SRPX2: variants seen among roughly 807,000 people sequenced by gnomAD.
SRPX2 encodes sushi repeat-containing protein SRPX2.
Under a neutral mutation model 45.3 loss-of-function variants are expected in SRPX2, and 26 were observed. The ratio of observed to expected loss-of-function variants is 0.57; its 90% confidence interval spans 0.42 to 0.80. SRPX2 has a LOEUF of 0.80. SRPX2 is among the 30% of genes least tolerant of loss of function. The pLI, the probability that SRPX2 is intolerant of heterozygous loss-of-function variation, is 0.00. For synonymous variants in SRPX2, 125 were observed against 143.7 expected (o/e 0.87, Z 0.93); for missense variants, 355 against 399.8 (o/e 0.89, Z 0.95).
At position 100,666,946 on chromosome X, in the gene SRPX2, G is replaced by T. The variant is rs768749659; in HGVS notation, c.961+13G>T. On this transcript the variant is annotated intron_variant, in intron 8 of 10. Coordinates refer to ENST00000373004, the MANE Select transcript of SRPX2 (RefSeq NM_014467.3). The stretch of plus-strand genomic sequence containing the variant: ...CCAATCTGTGCTCGTGAGTGAAACC[G>T]GGGAATGGGGCAAGTGGATGTGGTG... The T allele has an allele frequency of 1.0e-5, 12 of 1,202,012 alleles. No homozygotes were observed. The highest frequency in any genetic ancestry group is 1.3e-5 in the Non-Finnish European group (12 of 891,170).
Position 100,675,454 on chromosome X carries a change from T to C in SRPX2, c.*4467T>C, listed in dbSNP as rs2083260336. On this transcript the variant is annotated 3_prime_UTR_variant, in exon 11 of 11. Coordinates refer to ENST00000373004, the MANE Select transcript of SRPX2 (RefSeq NM_014467.3). ...TAGACCAAAGCAAGGTGGAAACTGC[T>C]TAAAAACTAGAAAAGTTAAATTTAA... 8.9e-6 allele frequency: 1 copy of C among 112,763 alleles called. No individual in the cohort carries two copies. The highest frequency in any genetic ancestry group is 1.9e-5 in the Non-Finnish European group (1 of 53,375). 9.3% of individuals were successfully genotyped at this position (112,763 alleles called of 1,213,427 possible).
Position 100,662,269 on chromosome X carries a change from G to A in SRPX2, c.257G>A (p.Arg86His), listed in dbSNP as rs776691028. Residue 86 changes from arginine (R) to histidine (H), a missense_variant, in exon 4 of 11, where the codon CGT (arginine) becomes CAT (histidine). Coordinates refer to ENST00000373004, the MANE Select transcript of SRPX2 (RefSeq NM_014467.3). ...GGNYHSSLGT[R>H]CELSCDRGFR... ...AATTATCACAGCAGCCTGGGCACGC[G>A]TTGTGAGCTCTCCTGTGACCGGGGC... is the stretch of plus-strand genomic sequence containing the variant. 1.3e-4 allele frequency: 158 copies of A among 1,210,307 alleles called. No individual in the cohort carries two copies. The East Asian group carries it at 3.3e-3, about 25-fold the overall frequency.
At chrX:100,669,395 TGGGGGGAGGGGGGGCTGGGGC>T in intron 10 of SRPX2, 26 bp downstream of exon 10, 4 of 37,224 alleles carry the variant, frequency 1.1e-4, no homozygotes, top group Non-Finnish European at 1.7e-4. Flanking sequence ...CTGCCAAACT[TGGGGGGAGGGGGGGCTGGGGC>T]GGGGGGAGAA....
intron 10 of SRPX2, among the ~76,000 whole-genome samples, chrX:100,669,570 T>A (rs2083216492): frequency 9.0e-6 from 1 of 110,520 alleles, no homozygotes; most frequent in Non-Finnish European, 1.9e-5. Flanking sequence ...AACATCAGAA[T>A]CAAATGAGGG....
At chrX:100,666,523 C>T (rs1434147402) in intron 7 of SRPX2, among the ~76,000 whole-genome samples, 4 of 112,413 alleles carry the variant, frequency 3.6e-5, no homozygotes, top group Non-Finnish European at 7.5e-5. Context: ...TTGATAACAA[C>T]ATGTATATTC....
At chrX:100,652,413 C>T (rs1005409336) in intron 3 of SRPX2, among the ~76,000 whole-genome samples, 4 of 111,832 alleles carry the variant, frequency 3.6e-5, no homozygotes, top group Non-Finnish European at 7.5e-5. Context: ...CTACAGGCGG[C>T]GGAAGGATGA....
chrX:100,646,700 C>T (rs999286884), intron 2 of SRPX2, among the ~76,000 whole-genome samples: 1 of 107,306 alleles, frequency 9.3e-6, no homozygotes, highest in African/African-American at 3.5e-5. Context: ...TTCCTGAAAA[C>T]CATTTTCTAA....
chrX:100,650,646 C>G (rs1423593168), intron 2 of SRPX2, 139 bp from the exon 3 acceptor site: 2 of 545,514 alleles, frequency 3.7e-6, no homozygotes, highest in Non-Finnish European at 6.3e-6. Flanking sequence ...GGATTTCCCC[C>G]ACTAAATATC....
chrX:100,671,076 A>G lies in SRPX2; in HGVS notation c.*89A>G. On this transcript the variant is annotated 3_prime_UTR_variant, in exon 11 of 11. Coordinates refer to ENST00000373004, the MANE Select transcript of SRPX2 (RefSeq NM_014467.3). ...TAATAAAAGGAGGAAATGTTTTCCC[A>G]CAGTTCTAGGGACAGGACTCTGAGG... is the stretch of plus-strand genomic sequence containing the variant. The G allele has an allele frequency of 9.7e-7, 1 of 1,026,518 alleles. No homozygotes were observed. Among genetic ancestry groups the G allele is most frequent in the South Asian group, 2.0e-5 (1 of 49,959 alleles). 84.6% of individuals were successfully genotyped at this position (1,026,518 alleles called of 1,213,427 possible).
At chrX:100,654,372 A>G (rs754324846) in intron 3 of SRPX2, among the ~76,000 whole-genome samples, 31 of 111,176 alleles carry the variant, frequency 2.8e-4, no homozygotes, top group African/African-American at 9.8e-4. Flanking sequence ...AGTCTTTGTG[A>G]CCTTATAATC....
At position 100,665,308 on chromosome X, in the gene SRPX2, A is replaced by G. The variant is rs1446021780; in HGVS notation, c.598A>G (p.Thr200Ala). 1 of 1,210,044 alleles carries G rather than the reference A, an allele frequency of 8.3e-7. No homozygotes were observed. The highest frequency in any genetic ancestry group is 1.1e-6 in the Non-Finnish European group (1 of 894,686). Residue 200 changes from threonine (T) to alanine (A), a missense_variant, in exon 6 of 11, where the codon ACT becomes GCT. Thr to Ala is a moderately conservative substitution (Grantham distance 58, BLOSUM62 0). Transcript: ENST00000373004. ...REKMAEPEKLTARVYWDPPLV... is the reference protein window; with the variant it reads ...REKMAEPEKLAARVYWDPPLV... ...GAAGATGGCAGAGCCAGAGAAATTG[A>G]CTGCTCGAGTATACTGGGACCCACC...
intron 9 of SRPX2, 120 bp downstream of exon 9, chrX:100,667,527 C>A: frequency 1.1e-6 from 1 of 920,444 alleles, no homozygotes; most frequent in Non-Finnish European, 1.6e-6. Context: ...TTGTGGATAG[C>A]ATTTGATCAG....
At position 100,650,802 on chromosome X, in the gene SRPX2, G is replaced by A. The variant is rs754184154; in HGVS notation, c.100G>A (p.Asp34Asn). 7.4e-6 allele frequency: 9 copies of A among 1,208,969 alleles called. No individual in the cohort carries two copies. The highest frequency in any genetic ancestry group is 1.8e-5 in the South Asian group (1 of 56,703). ...TWYAGSGYYP[D>N]ESYNEVYAEE... ...TATTCTAGGTTCTGGCTACTATCCG[G>A]ATGAAAGCTACAATGAAGTATATGC... Residue 34 changes from aspartate to asparagine, a missense_variant, in exon 3 of 11, where the codon GAT becomes AAT. Transcript: ENST00000373004.
chrX:100,647,753 G>A (rs775263061), intron 2 of SRPX2, among the ~76,000 whole-genome samples: 18 of 112,699 alleles, frequency 1.6e-4, no homozygotes, highest in Non-Finnish European at 3.0e-4. Flanking sequence ...TGTTGGAGGC[G>A]TGAGCACAGA....
At position 100,673,568 on chromosome X, in the gene SRPX2, T is replaced by G. The variant is rs1401261967; in HGVS notation, c.*2581T>G. The G allele has an allele frequency of 4.5e-5, 5 of 111,192 alleles. No homozygotes were observed. Among genetic ancestry groups the G allele is most frequent in the African/African-American group, 1.6e-4 (5 of 30,514 alleles). 9.2% of individuals were successfully genotyped at this position (111,192 alleles called of 1,213,427 possible). A position where few individuals can be genotyped will look rare whatever the true frequency, so the allele number is the denominator to read the frequency against. On this transcript the variant is annotated 3_prime_UTR_variant, in exon 11 of 11. Coordinates refer to ENST00000373004, the MANE Select transcript of SRPX2 (RefSeq NM_014467.3). ...TTATCCTGCCTATTCCTCTCCCCTATTTCTCTGTCTCTCTCTCTCTCACAT... is the reference window on the plus strand; with the variant it reads ...TTATCCTGCCTATTCCTCTCCCCTAGTTCTCTGTCTCTCTCTCTCTCACAT...
At chrX:100,657,850 A>T (rs1007057830) in intron 3 of SRPX2, among the ~76,000 whole-genome samples, 1 of 112,010 alleles carries the variant, frequency 8.9e-6, no homozygotes, top group East Asian at 2.8e-4. Flanking sequence ...TTGGAGACGG[A>T]GTCTCCTGAC....
chrX:100,650,914 G>T, intron 3 of SRPX2, 49 bp downstream of exon 3: 1 of 1,055,237 alleles, frequency 9.5e-7, no homozygotes, highest in Non-Finnish European at 1.3e-6. Context: ...TCTGGCCTCA[G>T]ACCTAGGCCC....
At position 100,662,291 on chromosome X, in the gene SRPX2, G is replaced by A. The variant is rs754833494; in HGVS notation, c.279G>A (p.Arg93=). ...CGCGTTGTGAGCTCTCCTGTGACCG[G>A]GGCTTTCGATTGATTGGAAGGAGGT... ...LGTRCELSCD[R]GFRLIGRRSV... Residue 93 remains arginine (R), a synonymous_variant, in exon 4 of 11, where the codon CGG becomes CGA. Transcript: ENST00000373004. The A allele has an allele frequency of 1.2e-5, 15 of 1,210,161 alleles. No homozygotes were observed. Among genetic ancestry groups the A allele is most frequent in the Non-Finnish European group, 1.6e-5 (14 of 895,324 alleles).
At chrX:100,657,524 G>T (rs1315511256) in intron 3 of SRPX2, among the ~76,000 whole-genome samples, 1 of 99,967 alleles carries the variant, frequency 1.0e-5, no homozygotes, top group East Asian at 3.3e-4. Context: ...CTAATTTTTG[G>T]ATTTTTAGTA....
Sources: gnomAD v4.1 joint callset for allele counts (sites outside exome capture counted in the v4.1 genomes callset) on GRCh38, gnomAD v4.1.1 for gene constraint, MANE v1.5 for transcripts, NCBI Gene and HGNC (gene_info 2026-07-23, HGNC 2026-07-21) for gene names.